Variants in INPP4B observed in about 807,000 individuals in gnomAD.
INPP4B encodes the protein inositol polyphosphate 4-phosphatase type II.
Under a neutral mutation model 122.5 loss-of-function variants are expected in INPP4B, and 55 were observed. The observed-to-expected ratio is 0.45, with a 90% confidence interval of 0.36 to 0.56. The LOEUF is 0.56. Ranked by LOEUF, INPP4B falls within the 20% of genes least tolerant of loss-of-function variation. INPP4B has a pLI of 0.00. For missense variants in INPP4B, 1,000 were observed against 1,097.7 expected (o/e 0.91, Z 1.26); for synonymous variants, 403 against 388.7 (o/e 1.04, Z -0.43).
At chr4:142,322,244 T>A (rs1770354985) in intron 7 of INPP4B, among the ~76,000 whole-genome samples, 1 of 152,002 alleles carries the variant, frequency 6.6e-6, no homozygotes, top group Non-Finnish European at 1.5e-5. Flanking sequence ...ATGATTTAGG[T>A]CACAGAATCT....
intron 2 of INPP4B, among the ~76,000 whole-genome samples, chr4:142,500,266 C>T (rs925023041): frequency 2.6e-5 from 4 of 152,154 alleles, no homozygotes; most frequent in African/African-American, 9.6e-5. Context: ...GCTGGGTCTC[C>T]TGAACATCTG....
intron 16 of INPP4B, among the ~76,000 whole-genome samples, chr4:142,163,197 A>G (rs529876972): frequency 1.2e-4 from 19 of 152,056 alleles, no homozygotes; most frequent in Admixed American, 5.9e-4. Flanking sequence ...TAAGTGAAAA[A>G]AAAGAAGAAA....
intron 12 of INPP4B, among the ~76,000 whole-genome samples, chr4:142,212,711 C>T (rs1845428934): frequency 6.6e-6 from 1 of 152,116 alleles, no homozygotes; most frequent in African/African-American, 2.4e-5. Context: ...CAGCACTGCT[C>T]CCCTGACTCC....
chr4:142,404,465 G>A (rs957141480), intron 6 of INPP4B, among the ~76,000 whole-genome samples: 2 of 152,200 alleles, frequency 1.3e-5, no homozygotes, highest in African/African-American at 2.4e-5. Context: ...CATTAAGGTT[G>A]TGAAATGTGT....
At chr4:142,107,276 A>G (rs1013625946) in intron 23 of INPP4B, among the ~76,000 whole-genome samples, 1 of 152,138 alleles carries the variant, frequency 6.6e-6, no homozygotes, top group Non-Finnish European at 1.5e-5. Context: ...TAAATAACAG[A>G]ATATAAATCA....
chr4:142,506,669 T>G (rs1824068152), intron 2 of INPP4B, among the ~76,000 whole-genome samples: 2 of 152,148 alleles, frequency 1.3e-5, no homozygotes, highest in African/African-American at 4.8e-5. Context: ...ACAAGGCCCC[T>G]CCTTTCTTAC....
chr4:142,361,145 T>A (rs1365524622), intron 7 of INPP4B, among the ~76,000 whole-genome samples: 1 of 151,956 alleles, frequency 6.6e-6, no homozygotes, highest in Non-Finnish European at 1.5e-5. Flanking sequence ...TTCTGTTTTC[T>A]TCCATCCCCA....
chr4:142,689,974 C>T (rs1759932013), intron 2 of INPP4B, among the ~76,000 whole-genome samples: 1 of 152,120 alleles, frequency 6.6e-6, no homozygotes, highest in African/African-American at 2.4e-5. Flanking sequence ...GTCTGCATAA[C>T]AAAATTAAGT....
At chr4:142,108,896 T>G (rs1788577148) in intron 22 of INPP4B, among the ~76,000 whole-genome samples, 1 of 152,254 alleles carries the variant, frequency 6.6e-6, no homozygotes, top group Admixed American at 6.5e-5. Context: ...GCTTCCAATA[T>G]GTATCTTCAT....
At chr4:142,498,537 C>T (rs1822948530) in intron 2 of INPP4B, among the ~76,000 whole-genome samples, 1 of 151,910 alleles carries the variant, frequency 6.6e-6, no homozygotes, top group Non-Finnish European at 1.5e-5. Context: ...ACCTGTAATC[C>T]CAGCATTTTG....
chr4:142,831,788 G>A (rs946893063), intron 1 of INPP4B, among the ~76,000 whole-genome samples: 2 of 152,206 alleles, frequency 1.3e-5, no homozygotes, highest in African/African-American at 4.8e-5. Context: ...TCCATTAAGA[G>A]ATAGAAGATG....
chr4:142,408,417 G>T (rs1170770339), intron 5 of INPP4B, among the ~76,000 whole-genome samples: 9 of 152,110 alleles, frequency 5.9e-5, no homozygotes, highest in African/African-American at 1.9e-4. Flanking sequence ...GCTGGGCGTG[G>T]TGGCACACTC....
intron 18 of INPP4B, among the ~76,000 whole-genome samples, chr4:142,136,170 A>T (rs1483263835): frequency 6.6e-6 from 1 of 152,114 alleles, no homozygotes; most frequent in Non-Finnish European, 1.5e-5. Flanking sequence ...CCTCAAAGGC[A>T]GTCAGCCTCA....
At chr4:142,845,736 G>T (rs1226692870) in intron 1 of INPP4B, among the ~76,000 whole-genome samples, 3 of 151,348 alleles carry the variant, frequency 2.0e-5, no homozygotes, top group South Asian at 4.2e-4. Flanking sequence ...GGCCGGCGGC[G>T]GCGGCGGCGG....
chr4:142,417,046 G>C, intron 5 of INPP4B, among the ~76,000 whole-genome samples: 1 of 152,120 alleles, frequency 6.6e-6, no homozygotes, highest in East Asian at 1.9e-4. Flanking sequence ...GTGGGAAAGA[G>C]TAGTTCTAAG....
At chr4:142,222,605 CAAG>C (rs1280067001) in intron 12 of INPP4B, among the ~76,000 whole-genome samples, 1 of 152,114 alleles carries the variant, frequency 6.6e-6, no homozygotes, top group African/African-American at 2.4e-5. Context: ...TGCTAAATTC[CAAG>C]AATAATACAA....
chr4:142,843,040 A>T (rs1293176811), intron 1 of INPP4B, among the ~76,000 whole-genome samples: 4 of 149,486 alleles, frequency 2.7e-5, no homozygotes, highest in African/African-American at 7.3e-5. Context: ...AAATATATTT[A>T]AAAAAATAAA....
chr4:142,380,874 T>C (rs1793858565), intron 7 of INPP4B, among the ~76,000 whole-genome samples: 1 of 152,136 alleles, frequency 6.6e-6, no homozygotes, highest in Non-Finnish European at 1.5e-5. Context: ...AACATCCTGC[T>C]TTTCCCAATC....
At chr4:142,819,555 C>T (rs1780548950) in intron 1 of INPP4B, among the ~76,000 whole-genome samples, 1 of 152,140 alleles carries the variant, frequency 6.6e-6, no homozygotes, top group Admixed American at 6.6e-5. Context: ...CAGCTATCTA[C>T]CAATCTGGGT....
Sources: gnomAD v4.1 joint callset for allele counts (sites outside exome capture counted in the v4.1 genomes callset) on GRCh38, gnomAD v4.1.1 for gene constraint, MANE v1.5 for transcripts, NCBI Gene and HGNC (gene_info 2026-07-23, HGNC 2026-07-21) for gene names.